Variants in TNFRSF11B observed in about 807,000 individuals in gnomAD.
TNFRSF11B encodes TNF receptor superfamily member 11b.
In TNFRSF11B, 16 loss-of-function variants were observed where a neutral mutation model predicts 43.4. That is an observed-to-expected ratio of 0.37 (90% confidence interval 0.25 to 0.56). The LOEUF (loss-of-function observed/expected upper bound fraction) is 0.56. Among genes scored for constraint, TNFRSF11B ranks in the 20% least tolerant of loss-of-function variants. The pLI is 0.80. For synonymous variants in TNFRSF11B, 185 were observed against 181.8 expected (o/e 1.02, Z -0.14); for missense variants, 444 against 490.1 (o/e 0.91, Z 0.89).
chr8:118,951,308 A>G (rs10955915), intron 1 of TNFRSF11B, among the ~76,000 whole-genome samples: 101,540 of 152,074 alleles, frequency 0.67, 35,887 homozygotes, highest in African/African-American at 0.91. Flanking sequence ...CATAATATTT[A>G]CATTAGAAAA....
chr8:118,933,567 G>A (rs1354671389), intron 1 of TNFRSF11B, among the ~76,000 whole-genome samples: 1 of 152,180 alleles, frequency 6.6e-6, no homozygotes, highest in Admixed American at 6.5e-5. Context: ...ATAACACTTA[G>A]ATGCACTGCT....
At chr8:118,942,245 C>CGT (rs1563693046) in intron 1 of TNFRSF11B, among the ~76,000 whole-genome samples, 7 of 137,078 alleles carry the variant, frequency 5.1e-5, no homozygotes, top group African/African-American at 1.9e-4. Context: ...CAGGCCCCCC[C>CGT]GTGTGTGATG....
chr8:118,936,023 T>G (rs539096322), intron 1 of TNFRSF11B, among the ~76,000 whole-genome samples: 4 of 152,342 alleles, frequency 2.6e-5, no homozygotes, highest in Admixed American at 2.6e-4. Context: ...GCCTGTGATC[T>G]TCATTAGAAG....
chr8:118,935,262 T>C (rs1047730656), intron 1 of TNFRSF11B, among the ~76,000 whole-genome samples: 1 of 152,082 alleles, frequency 6.6e-6, no homozygotes. Context: ...CAGTAGTGAG[T>C]GGCAGCTCTG....
chr8:118,949,802 C>T (rs1384964744), intron 1 of TNFRSF11B, among the ~76,000 whole-genome samples: 2 of 152,148 alleles, frequency 1.3e-5, no homozygotes, highest in African/African-American at 2.4e-5. Flanking sequence ...GTGGAATGCC[C>T]ATTATAAAGA....
At chr8:118,925,609 G>A (rs1293539721) in intron 4 of TNFRSF11B, among the ~76,000 whole-genome samples, 1 of 152,188 alleles carries the variant, frequency 6.6e-6, no homozygotes, top group Non-Finnish European at 1.5e-5. Flanking sequence ...TGTTGCCCCG[G>A]TTTCAGATAC....
chr8:118,942,812 C>T, intron 1 of TNFRSF11B, among the ~76,000 whole-genome samples: 1 of 152,278 alleles, frequency 6.6e-6, no homozygotes, highest in African/African-American at 2.4e-5. Context: ...CCTTTAACAA[C>T]TGACTTTTCC....
intron 4 of TNFRSF11B, 27 bp from the exon 5 acceptor site, chr8:118,924,789 T>G (rs1308229394): frequency 6.2e-7 from 1 of 1,613,852 alleles, no homozygotes; most frequent in Admixed American, 1.7e-5. Context: ...CCCAGATAAG[T>G]GTTCACATCA....
At chr8:118,950,572 G>A (rs1229633389) in intron 1 of TNFRSF11B, among the ~76,000 whole-genome samples, 1 of 152,144 alleles carries the variant, frequency 6.6e-6, no homozygotes, top group African/African-American at 2.4e-5. Flanking sequence ...GCTCACAAGT[G>A]CTCACTTAGA....
chr8:118,926,683 C>T lies in TNFRSF11B; in HGVS notation c.628G>A (p.Ala210Thr). Residue 210 changes from alanine to threonine, a missense_variant, in exon 4 of 5, where the codon GCT becomes ACT. By Grantham distance (58) the Ala-to-Thr change is moderately conservative. Coordinates refer to ENST00000297350, the MANE Select transcript of TNFRSF11B (RefSeq NM_002546.4). ...TTAGGCGTAAACTTTGTAGGAACAG[C>T]AAACCTGAAGAATGCCTCCTCACAC... Reference protein sequence around the residue: ...TLCEEAFFRFAVPTKFTPNWL... With the variant: ...TLCEEAFFRFTVPTKFTPNWL... The T allele has an allele frequency of 1.2e-6, 2 of 1,613,982 alleles. No individual in the cohort carries two copies. The highest frequency in any genetic ancestry group is 1.7e-6 in the Non-Finnish European group (2 of 1,179,950).
chr8:118,942,785 T>A (rs1465033522), intron 1 of TNFRSF11B, among the ~76,000 whole-genome samples: 2 of 152,256 alleles, frequency 1.3e-5, no homozygotes, highest in East Asian at 3.9e-4. Flanking sequence ...TTAAATCCTA[T>A]CCCGTCTGAA....
intron 1 of TNFRSF11B, among the ~76,000 whole-genome samples, chr8:118,942,727 G>A (rs1812505288): frequency 6.6e-6 from 1 of 152,090 alleles, no homozygotes; most frequent in Non-Finnish European, 1.5e-5. Context: ...CAAAGAAGTT[G>A]AGTGACTTTT....
rs548855290 is a variant in TNFRSF11B, at chr8:118,943,462, A to G, written c.30+8330T>C. Among the ~76,000 whole-genome samples, 7 of 152,246 alleles carry G rather than the reference A, an allele frequency of 4.6e-5. No individual in the cohort carries two copies. The East Asian group carries it at 9.7e-4, about 21-fold the overall frequency. ...CTGTGGAAAACTCTGGGTTCAGGGT[A>G]TCCACAGAGGCTTTCCTCTGATTAA... On this transcript the variant is annotated intron_variant, in intron 1 of 4. Coordinates refer to ENST00000297350, the MANE Select transcript of TNFRSF11B (RefSeq NM_002546.4).
intron 2 of TNFRSF11B, among the ~76,000 whole-genome samples, chr8:118,930,326 A>G (rs1812308100): frequency 6.6e-6 from 1 of 152,146 alleles, no homozygotes; most frequent in African/African-American, 2.4e-5. Flanking sequence ...AATTTACTCG[A>G]AATAAGTGAC....
chr8:118,942,931 A>G (rs1278985388), intron 1 of TNFRSF11B, among the ~76,000 whole-genome samples: 1 of 151,910 alleles, frequency 6.6e-6, no homozygotes, highest in African/African-American at 2.4e-5. Flanking sequence ...CTTCCTACCT[A>G]CCTACCTATT....
intron 1 of TNFRSF11B, among the ~76,000 whole-genome samples, chr8:118,940,581 A>G (rs11573870): frequency 0.037 from 5,589 of 152,298 alleles, 167 homozygotes; most frequent in East Asian, 0.17. Context: ...ATGGTAAGAA[A>G]TAAGGGTCAG....
intron 1 of TNFRSF11B, among the ~76,000 whole-genome samples, chr8:118,945,018 T>C (rs959728440): frequency 6.6e-6 from 1 of 151,768 alleles, no homozygotes; most frequent in East Asian, 2.0e-4. Context: ...AGAAAATCTT[T>C]TTTGGCTTAA....
Position 118,924,091 on chromosome 8 carries a change from G to GTT in TNFRSF11B, c.*281_*282dup, listed in dbSNP as rs112977670. On this transcript the variant is annotated 3_prime_UTR_variant, in exon 5 of 5. Coordinates refer to ENST00000297350, the MANE Select transcript of TNFRSF11B (RefSeq NM_002546.4). The stretch of plus-strand genomic sequence containing the variant: ...ATTTAGTAAGGCACAATGGAGTCTA[G>GTT]TTTTTTTTTTTTAATTTCCAGTTGA... 1.8e-3 allele frequency: 491 copies of GTT among 277,034 alleles called. No homozygotes were observed. The highest frequency in any genetic ancestry group is 3.4e-3 in the East Asian group (47 of 13,830). 17.2% of individuals were successfully genotyped at this position (277,034 alleles called of 1,614,324 possible).
chr8:118,951,841 A>G lies in TNFRSF11B; in HGVS notation c.-20T>C. On this transcript the variant is annotated 5_prime_UTR_variant, in exon 1 of 5. Coordinates refer to ENST00000297350, the MANE Select transcript of TNFRSF11B (RefSeq NM_002546.4). The stretch of plus-strand genomic sequence containing the variant: ...GTTCATTGTGGTCCCCGGAAACCTC[A>G]GGGGCTTGGAGGCGGCGGCTGGGCG... The G allele has an allele frequency of 6.3e-7, 1 of 1,580,090 alleles. No individual in the cohort carries two copies. The highest frequency in any genetic ancestry group is 1.8e-5 in the Admixed American group (1 of 56,082).
Sources: allele counts gnomAD v4.1 joint callset (sites outside exome capture counted in the v4.1 genomes callset), GRCh38; gene constraint gnomAD v4.1.1; transcripts MANE v1.5; gene names NCBI Gene and HGNC (gene_info 2026-07-23, HGNC 2026-07-21).